The following CNOT10 variants were observed in gnomAD, a reference collection of about 807,000 sequenced individuals.
CNOT10 encodes the protein CCR4-NOT transcription complex, subunit 10.
CNOT10 carries 30 observed loss-of-function variants against 94.6 expected under a neutral mutation model. That is an observed-to-expected ratio of 0.32 (90% confidence interval 0.24 to 0.43). The LOEUF (loss-of-function observed/expected upper bound fraction) is 0.43, where lower values mean the gene tolerates loss of function less well. Ranked by LOEUF, CNOT10 falls within the 20% of genes least tolerant of loss-of-function variation. The pLI is 1.00. For missense variants in CNOT10, 759 were observed against 877.2 expected (o/e 0.87, Z 1.70); for synonymous variants, 289 against 301.6 (o/e 0.96, Z 0.43).
chr3:32,702,129 TC>T (rs1159509306), intron 1 of CNOT10, among the ~76,000 whole-genome samples: 4 of 139,680 alleles, frequency 2.9e-5, no homozygotes, highest in African/African-American at 1.1e-4. Context: ...ACAGTCTCAC[TC>T]TGTCGCCCAG....
chr3:32,723,391 C>CAAA (rs1192223954), intron 8 of CNOT10, among the ~76,000 whole-genome samples: 1 of 80,358 alleles, frequency 1.2e-5, no homozygotes, highest in African/African-American at 4.7e-5. Context: ...GACTCCGTCT[C>CAAA]AAAAAAAAAA....
At chr3:32,717,121 A>G (rs1698159273) in intron 6 of CNOT10, 33 bp from the exon 7 acceptor site, 1 of 1,261,884 alleles carries the variant, frequency 7.9e-7, no homozygotes, top group African/African-American at 1.5e-5. Flanking sequence ...AATCCACCAT[A>G]GTTTTAACAT....
chr3:32,729,558 T>G (rs1030153529), intron 10 of CNOT10, among the ~76,000 whole-genome samples: 1 of 152,114 alleles, frequency 6.6e-6, no homozygotes, highest in East Asian at 1.9e-4. Flanking sequence ...GTACAAGAAC[T>G]AAGGGGATTA....
intron 14 of CNOT10, among the ~76,000 whole-genome samples, chr3:32,760,741 C>T (rs757946967): frequency 9.9e-5 from 15 of 152,236 alleles, no homozygotes; most frequent in Non-Finnish European, 2.1e-4. Context: ...TTTCATTCAT[C>T]GTATAGGTGT....
intron 13 of CNOT10, among the ~76,000 whole-genome samples, chr3:32,743,863 T>G (rs7612814): frequency 0.97 from 147,482 of 151,790 alleles, 71,675 homozygotes; most frequent in East Asian, 1. Context: ...TCCATTTTTT[T>G]TGTGTGTGAA....
chr3:32,747,695 A>G (rs961027180), intron 13 of CNOT10, among the ~76,000 whole-genome samples: 1 of 152,074 alleles, frequency 6.6e-6, no homozygotes, highest in Admixed American at 6.6e-5. Context: ...CACGCCTGTA[A>G]TCCCAGCACT....
chr3:32,756,904 T>TGAGA (rs371980883), intron 13 of CNOT10, among the ~76,000 whole-genome samples: 8,862 of 151,912 alleles, frequency 0.058, 283 homozygotes, highest in Middle Eastern at 0.088. Flanking sequence ...GTCAGGAGTT[T>TGAGA]CCAGCCTGGC....
chr3:32,769,249 C>CA (rs1159705352), intron 17 of CNOT10: 5 of 152,314 alleles, frequency 3.3e-5, no homozygotes, highest in Non-Finnish European at 5.9e-5. Flanking sequence ...GGCTGTAGCT[C>CA]AAAGAGGCCC....
chr3:32,768,337 TTTGGGAGGCCAAGGCGGGTGGATCA>T (rs1700738681), intron 17 of CNOT10, among the ~76,000 whole-genome samples: 1 of 151,296 alleles, frequency 6.6e-6, no homozygotes, highest in Non-Finnish European at 1.5e-5. Context: ...ATCCCAGCAC[TTTGGGAGGCCAAGGCGGGTGGATCA>T]TCTGAGGTGA....
chr3:32,745,611 C>T (rs928944810), intron 13 of CNOT10, among the ~76,000 whole-genome samples: 2 of 152,218 alleles, frequency 1.3e-5, no homozygotes, highest in Admixed American at 6.5e-5. Context: ...TCCTGGTAGA[C>T]AAAACCTAGA....
chr3:32,764,336 CAAAAA>C (rs753565203), intron 15 of CNOT10, 114 bp from the exon 16 acceptor site: 5 of 809,746 alleles, frequency 6.2e-6, no homozygotes, highest in Non-Finnish European at 9.0e-6. Flanking sequence ...GGCTCCATCT[CAAAAA>C]AAAAAAAAAG....
intron 1 of CNOT10, among the ~76,000 whole-genome samples, chr3:32,702,097 CTT>C (rs71630535): frequency 7.2e-6 from 1 of 138,188 alleles, no homozygotes; most frequent in Non-Finnish European, 1.6e-5. Context: ...CACACCTGGC[CTT>C]TTTTTTTTTT....
At chr3:32,723,880 C>T (rs1238932933) in intron 8 of CNOT10, among the ~76,000 whole-genome samples, 2 of 151,992 alleles carry the variant, frequency 1.3e-5, no homozygotes, top group African/African-American at 4.8e-5. Context: ...CAGGAGTTTG[C>T]GACCAGCCTG....
intron 1 of CNOT10, among the ~76,000 whole-genome samples, chr3:32,693,210 T>C (rs939467558): frequency 6.6e-6 from 1 of 152,164 alleles, no homozygotes; most frequent in African/African-American, 2.4e-5. Context: ...GTTTTTTTTC[T>C]TTTTTAAATT....
intron 13 of CNOT10, among the ~76,000 whole-genome samples, chr3:32,748,131 T>A (rs1204348603): frequency 6.6e-6 from 1 of 152,210 alleles, no homozygotes; most frequent in South Asian, 2.1e-4. Context: ...GCATCGAAAT[T>A]ACAGGTGTGA....
At position 32,727,787 on chromosome 3, in the gene CNOT10, C is replaced by T; in HGVS notation, c.1132C>T (p.Leu378=). 3 of 1,614,054 alleles carry T rather than the reference C, an allele frequency of 1.9e-6. No individual in the cohort carries two copies. In the African/African-American group the frequency reaches 4.0e-5, roughly 22 times the overall value. Residue 378 remains leucine, a synonymous_variant, in exon 10 of 19, where the codon CTG becomes TTG. Transcript: ENST00000328834. Reference sequence around the variant, plus strand: ...AAGGCCTCTTGCTGCCTTCGAATGTCTGATTGAAGCTGTTCAGGTTTATCA... The same window carrying T: ...AAGGCCTCTTGCTGCCTTCGAATGTTTGATTGAAGCTGTTCAGGTTTATCA... ...IGRPLAAFEC[L]IEAVQVYHAN...
intron 17 of CNOT10, chr3:32,768,891 A>G (rs1212075036): frequency 1.3e-5 from 2 of 151,794 alleles, no homozygotes; most frequent in Non-Finnish European, 2.9e-5. Flanking sequence ...ATTTCTCCCC[A>G]TTTTCTACCT....
intron 10 of CNOT10, among the ~76,000 whole-genome samples, chr3:32,733,061 T>C (rs1027846674): frequency 1.3e-5 from 2 of 152,186 alleles, no homozygotes; most frequent in South Asian, 2.1e-4. Context: ...TACACTATTT[T>C]GGGCTCTCTT....
chr3:32,703,206 G>T (rs762081843), intron 1 of CNOT10, among the ~76,000 whole-genome samples: 173 of 151,244 alleles, frequency 1.1e-3, no homozygotes, highest in Non-Finnish European at 7.8e-4. Flanking sequence ...TTACAGGCGT[G>T]AGCCACCGTG....
Sources: gnomAD v4.1 joint callset for allele counts (sites outside exome capture counted in the v4.1 genomes callset) on GRCh38, gnomAD v4.1.1 for gene constraint, MANE v1.5 for transcripts, NCBI Gene and HGNC (gene_info 2026-07-23, HGNC 2026-07-21) for gene names.